MYL6: variants seen among roughly 807,000 people sequenced by gnomAD.
The protein encoded by MYL6 is myosin light polypeptide 6.
A neutral mutation model predicts 20.3 loss-of-function variants in MYL6; 20 were observed. The observed-to-expected ratio is 0.98, with a 90% CI of 0.69 to 1.43. The LOEUF is 1.43. Ranked by LOEUF, MYL6 falls within the 40% of genes most tolerant of loss-of-function variation. The pLI is 0.00. For missense variants in MYL6, 164 were observed against 191.0 expected (o/e 0.86, Z 0.83); for synonymous variants, 77 against 72.4 (o/e 1.06, Z -0.32).
intron 1 of MYL6, 55 bp from the exon 2 acceptor site, chr12:56,158,629 A>G (rs1871485367): frequency 1.2e-6 from 2 of 1,613,442 alleles, no homozygotes; most frequent in Non-Finnish European, 8.5e-7. Flanking sequence ...GGGCTGGGAT[A>G]GAAACTCGGG....
Position 56,158,698 on chromosome 12 carries a change from A to C in MYL6, c.18A>C (p.Glu6Asp). ...TCTCTGAGCAGTGTGACTTCACCGAAGACCAGACCGCAGGTAGGTTATCTC... is the reference window on the plus strand; with the variant it reads ...TCTCTGAGCAGTGTGACTTCACCGACGACCAGACCGCAGGTAGGTTATCTC... MCDFT[E>D]DQTAEFKEAF... Residue 6 changes from glutamate (E) to aspartate (D), a missense_variant, in exon 2 of 7, where the codon GAA becomes GAC. Glu to Asp is a conservative substitution (Grantham distance 45, BLOSUM62 2). Coordinates refer to ENST00000550697, the MANE Select transcript of MYL6 (RefSeq NM_021019.5). The C allele has an allele frequency of 6.2e-7, 1 of 1,614,096 alleles. No individual in the cohort carries two copies. Among genetic ancestry groups the C allele is most frequent in the Non-Finnish European group, 8.5e-7 (1 of 1,180,002 alleles).
Position 56,158,838 on chromosome 12 carries a change from T to C in MYL6, c.31+127T>C, listed in dbSNP as rs1871507152. On this transcript the variant is annotated intron_variant, in intron 2 of 6. Coordinates refer to ENST00000550697, the MANE Select transcript of MYL6 (RefSeq NM_021019.5). ...CCATGAGATTACCCCCTGGATTATT[T>C]TCTCTTCTTCTGGATCCTCCATTTT... 1.1e-5 allele frequency: 17 copies of C among 1,521,348 alleles called. No homozygotes were observed. The South Asian group carries it at 1.5e-4, about 14-fold the overall frequency. 94.2% of individuals were successfully genotyped at this position (1,521,348 alleles called of 1,614,324 possible). A position where few individuals can be genotyped will look rare whatever the true frequency, so the allele number is the denominator to read the frequency against.
At chr12:56,158,549 C>T (rs766848933) in intron 1 of MYL6, 135 bp from the exon 2 acceptor site, 2 of 1,612,734 alleles carry the variant, frequency 1.2e-6, no homozygotes, top group African/African-American at 2.7e-5. Context: ...AGACTGGGGC[C>T]CTGCGGGGAA....
intron 6 of MYL6, 89 bp downstream of exon 6, chr12:56,160,759 T>C: frequency 7.2e-7 from 1 of 1,383,586 alleles, no homozygotes; most frequent in Non-Finnish European, 1.0e-6. Flanking sequence ...GCCCTTACCC[T>C]ACTACCATCT....
chr12:56,160,546 G>T, intron 5 of MYL6, 80 bp from the exon 6 acceptor site: 2 of 1,501,982 alleles, frequency 1.3e-6, no homozygotes, highest in East Asian at 4.5e-5. Context: ...TGAAATAATG[G>T]AATGTCTGTC....
At chr12:56,161,340 C>CCT (rs1565884856) in intron 6 of MYL6, 47 bp from the exon 7 acceptor site, 1 of 1,612,706 alleles carries the variant, frequency 6.2e-7, no homozygotes, top group Non-Finnish European at 8.5e-7. Context: ...TTGGCGTACC[C>CCT]CTCCACAGCC....
Position 56,158,812 on chromosome 12 carries a change from C to T in MYL6, c.31+101C>T, listed in dbSNP as rs970835244. On this transcript the variant is annotated intron_variant, in intron 2 of 6. Coordinates refer to ENST00000550697, the MANE Select transcript of MYL6 (RefSeq NM_021019.5). ...CTTAATCTGTCATCTCTTTAGCACC[C>T]CCATGAGATTACCCCCTGGATTATT... The T allele has an allele frequency of 1.2e-5, 19 of 1,563,750 alleles. No individual in the cohort carries two copies. The South Asian group carries it at 2.0e-4, about 16-fold the overall frequency.
In MYL6 at chr12:56,161,359, T is replaced by C. The variant is rs970121248; in HGVS notation, c.*17-28T>C. On this transcript the variant is annotated intron_variant, in intron 6 of 6. Transcript: ENST00000550697. ...CGTACCCCTCCACAGCCCTGTTCCCTGGCTCATCCCACCTTTCCTTTCCAC... is the reference window on the plus strand; with the variant it reads ...CGTACCCCTCCACAGCCCTGTTCCCCGGCTCATCCCACCTTTCCTTTCCAC... The C allele has an allele frequency of 3.1e-6, 5 of 1,613,976 alleles. No homozygotes were observed. The African/African-American group carries it at 5.3e-5, about 17-fold the overall frequency.
Position 56,161,464 on chromosome 12 carries a change from T to G in MYL6, c.*94T>G. The G allele has an allele frequency of 6.2e-7, 1 of 1,605,498 alleles. No individual in the cohort carries two copies. The highest frequency in any genetic ancestry group is 8.5e-7 in the Non-Finnish European group (1 of 1,172,168). Reference sequence around the variant, plus strand: ...TCCGTGCCTTTCCCTGTGTGAATTTTGTATCTAGCCTAAAGTTTCCCTAGG... The same window carrying G: ...TCCGTGCCTTTCCCTGTGTGAATTTGGTATCTAGCCTAAAGTTTCCCTAGG... On this transcript the variant is annotated 3_prime_UTR_variant, in exon 7 of 7. Coordinates refer to ENST00000550697, the MANE Select transcript of MYL6 (RefSeq NM_021019.5).
intron 5 of MYL6, 39 bp downstream of exon 5, chr12:56,160,359 T>C: frequency 6.2e-7 from 1 of 1,612,272 alleles, no homozygotes; most frequent in Non-Finnish European, 8.5e-7. Context: ...AAAGCAGCCA[T>C]ATGGGGCAGG....
chr12:56,159,914 C>T, intron 3 of MYL6, 61 bp from the exon 4 acceptor site: 1 of 1,563,556 alleles, frequency 6.4e-7, no homozygotes, highest in Non-Finnish European at 8.6e-7. Context: ...TCTCTATAAT[C>T]CCCTGTCCTG....
chr12:56,158,502 A>C (rs1243107861), intron 1 of MYL6, 98 bp downstream of exon 1: 2 of 1,592,572 alleles, frequency 1.3e-6, no homozygotes, highest in Non-Finnish European at 1.7e-6. Flanking sequence ...AGGCAAAGGG[A>C]ATCTGAGGAC....
At chr12:56,159,430 G>A (rs549133320) in intron 2 of MYL6, 157 bp from the exon 3 acceptor site, 17 of 972,418 alleles carry the variant, frequency 1.7e-5, no homozygotes, top group African/African-American at 1.6e-4. Context: ...GAGTTGGGAG[G>A]AAGAGAAATA....
rs1871656377 is a variant in MYL6 at position 56,160,224 on chromosome 12, GCTTT to G, written c.350-13_350-10del. ...TCACTTGTCACCCAATTCCAAAAAT[GCTTT>G]CTTTCCCCCTGCAGGTGAGAAGATG... On this transcript the variant is annotated splice_polypyrimidine_tract_variant and intron_variant, in intron 4 of 6. Transcript: ENST00000550697. 2 of 1,614,000 alleles carry G rather than the reference GCTTT, an allele frequency of 1.2e-6. No individual in the cohort carries two copies. The highest frequency in any genetic ancestry group is 1.3e-5 in the African/African-American group (1 of 74,946).
At chr12:56,160,592 T>A in intron 5 of MYL6, 34 bp from the exon 6 acceptor site, 1 of 1,613,718 alleles carries the variant, frequency 6.2e-7, no homozygotes, top group Non-Finnish European at 8.5e-7. Flanking sequence ...GTCTTTGTCT[T>A]GTCTTCACCA....
At position 56,161,572 on chromosome 12, in the gene MYL6, G is replaced by A; in HGVS notation, c.*202G>A. ...CATTCACCAAATAAACTTGCTCTCT[G>A]GGCCCTCGGTTCGGTTCTTTCTTTC... On this transcript the variant is annotated 3_prime_UTR_variant, in exon 7 of 7. Transcript: ENST00000550697. The A allele has an allele frequency of 1.1e-6, 1 of 900,838 alleles. No individual in the cohort carries two copies. Among genetic ancestry groups the A allele is most frequent in the Non-Finnish European group, 1.8e-6 (1 of 553,340 alleles). The allele number at this position is 900,838 out of a possible 1,614,324, so 55.8% of individuals were successfully genotyped here.
chr12:56,160,710 A>C lies in MYL6; in HGVS notation c.*16+40A>C. The C allele has an allele frequency of 6.9e-6, 11 of 1,604,966 alleles. No individual in the cohort carries two copies. The South Asian group carries it at 1.2e-4, about 18-fold the overall frequency. On this transcript the variant is annotated intron_variant, in intron 6 of 6. Coordinates refer to ENST00000550697, the MANE Select transcript of MYL6 (RefSeq NM_021019.5). ...AGCCTCTCCTCTAGTTGATCTCCCC[A>C]GTGTTTCTTTTTTCCCCAACCTGTG...
chr12:56,161,081 C>T (rs1871804264), intron 6 of MYL6: 1 of 579,494 alleles, frequency 1.7e-6, no homozygotes, highest in South Asian at 2.1e-5. Context: ...GTACCCTAAC[C>T]CAAAACTCTG....
In MYL6 at chr12:56,160,667, G is replaced by C. The variant is rs1186009944; in HGVS notation, c.*13G>C. 6.2e-7 allele frequency: 1 copy of C among 1,614,128 alleles called. No individual in the cohort carries two copies. The highest frequency in any genetic ancestry group is 1.7e-5 in the Admixed American group (1 of 60,018). Reference sequence around the variant, plus strand: ...CCTGTCGGGGTGACGGGCCCATGGGGCGGGTACGGCTCCTCCCAGCCTCTC... The same window carrying C: ...CCTGTCGGGGTGACGGGCCCATGGGCCGGGTACGGCTCCTCCCAGCCTCTC... On this transcript the variant is annotated 3_prime_UTR_variant, in exon 6 of 7. Transcript: ENST00000550697.
Sources: allele counts gnomAD v4.1 joint callset, GRCh38; gene constraint gnomAD v4.1.1; transcripts MANE v1.5; gene names NCBI Gene and HGNC (gene_info 2026-07-23, HGNC 2026-07-21).